Variants in SGCZ observed in about 807,000 individuals in gnomAD.
The protein encoded by SGCZ is sarcoglycan zeta.
SGCZ carries 40 observed loss-of-function variants against 41.3 expected under a neutral mutation model. The observed-to-expected ratio is 0.97, with a 90% CI of 0.75 to 1.26. SGCZ has a LOEUF of 1.26. SGCZ is among the 50% of genes most tolerant of loss of function. The pLI is 0.00. For missense variants in SGCZ, 552 were observed against 369.8 expected (o/e 1.49, Z -4.04); for synonymous variants, 206 against 137.5 (o/e 1.50, Z -3.49).
intron 1 of SGCZ, among the ~76,000 whole-genome samples, chr8:14,953,704 C>T (rs770693454): frequency 6.6e-5 from 10 of 152,020 alleles, no homozygotes; most frequent in African/African-American, 9.7e-5. Context: ...TCCCCATTTG[C>T]AAAAACGGGA....
chr8:14,760,542 A>G (rs942084647), intron 1 of SGCZ, among the ~76,000 whole-genome samples: 4 of 152,224 alleles, frequency 2.6e-5, no homozygotes, highest in African/African-American at 9.6e-5. Flanking sequence ...TTTTATAACC[A>G]TGTAAAATAC....
intron 1 of SGCZ, among the ~76,000 whole-genome samples, chr8:14,819,896 T>G (rs117736107): frequency 2.6e-5 from 4 of 151,966 alleles, no homozygotes; most frequent in Non-Finnish European, 1.5e-5. Flanking sequence ...GAAACAAAGC[T>G]AGCTCCACAG....
chr8:14,980,362 G>C (rs1801621333), intron 1 of SGCZ, among the ~76,000 whole-genome samples: 1 of 152,154 alleles, frequency 6.6e-6, no homozygotes. Context: ...GTATTGACTT[G>C]ACATCAGAAA....
intron 1 of SGCZ, among the ~76,000 whole-genome samples, chr8:15,077,888 G>A (rs1282989749): frequency 6.6e-5 from 10 of 152,182 alleles, no homozygotes. Context: ...AAATGCCTAG[G>A]CAGATAAGGA....
chr8:14,994,585 CAA>C (rs72144514), intron 1 of SGCZ, among the ~76,000 whole-genome samples: 3,271 of 127,524 alleles, frequency 0.026, 136 homozygotes, highest in African/African-American at 0.085. Flanking sequence ...ACTGTGCATC[CAA>C]AAAAAAAAAA....
chr8:14,271,624 G>A (rs1329971365), intron 3 of SGCZ, among the ~76,000 whole-genome samples: 2 of 152,136 alleles, frequency 1.3e-5, no homozygotes, highest in Non-Finnish European at 1.5e-5. Context: ...CTATATGCTT[G>A]TCCAATATAT....
intron 2 of SGCZ, among the ~76,000 whole-genome samples, chr8:14,405,050 C>T (rs1218406652): frequency 6.6e-6 from 1 of 152,174 alleles, no homozygotes; most frequent in Non-Finnish European, 1.5e-5. Flanking sequence ...CGTCTTCCTC[C>T]ATGTGGCCCT....
chr8:14,522,847 G>C (rs906101084), intron 2 of SGCZ, among the ~76,000 whole-genome samples: 1 of 151,446 alleles, frequency 6.6e-6, no homozygotes, highest in African/African-American at 2.4e-5. Flanking sequence ...TTCTAACCTA[G>C]TCACTTAGTA....
intron 4 of SGCZ, among the ~76,000 whole-genome samples, chr8:14,217,349 A>G (rs544105592): frequency 2.0e-5 from 3 of 150,580 alleles, no homozygotes; most frequent in East Asian, 4.0e-4. Context: ...ACCCACACGC[A>G]CACATACAAA....
At chr8:15,125,951 G>T (rs1036222596) in intron 1 of SGCZ, among the ~76,000 whole-genome samples, 1 of 152,152 alleles carries the variant, frequency 6.6e-6, no homozygotes, top group Admixed American at 6.6e-5. Flanking sequence ...TTTGAGACCA[G>T]CCTGACCAAT....
At chr8:14,664,951 C>A (rs941227420) in intron 1 of SGCZ, among the ~76,000 whole-genome samples, 1 of 152,086 alleles carries the variant, frequency 6.6e-6, no homozygotes, top group Non-Finnish European at 1.5e-5. Flanking sequence ...ACTAGGTGAT[C>A]CTGGTCAAGC....
chr8:14,486,081 A>C (rs1209277084), intron 2 of SGCZ, among the ~76,000 whole-genome samples: 2 of 152,184 alleles, frequency 1.3e-5, no homozygotes, highest in Non-Finnish European at 2.9e-5. Context: ...AAATAACGTC[A>C]GTTAATAAAT....
At chr8:15,062,371 A>T (rs559308960) in intron 1 of SGCZ, among the ~76,000 whole-genome samples, 42 of 152,286 alleles carry the variant, frequency 2.8e-4, no homozygotes, top group African/African-American at 9.9e-4. Flanking sequence ...ATTAAAATTT[A>T]AGACTTATAA....
chr8:15,157,745 C>A (rs1423552193), intron 1 of SGCZ, among the ~76,000 whole-genome samples: 1 of 152,170 alleles, frequency 6.6e-6, no homozygotes, highest in African/African-American at 2.4e-5. Flanking sequence ...AGTACTAGAT[C>A]ATTGTGGACC....
At chr8:14,731,286 C>T (rs1260055287) in intron 1 of SGCZ, among the ~76,000 whole-genome samples, 3 of 147,226 alleles carry the variant, frequency 2.0e-5, no homozygotes, top group Non-Finnish European at 3.0e-5. Flanking sequence ...AACACAGGAA[C>T]AGAAAACCAA....
intron 4 of SGCZ, among the ~76,000 whole-genome samples, chr8:14,180,406 C>A (rs1457061564): frequency 2.0e-5 from 3 of 152,104 alleles, no homozygotes; most frequent in Non-Finnish European, 4.4e-5. Context: ...ACCTACCAGG[C>A]CAACCACCAT....
At chr8:14,729,629 C>A (rs1810166002) in intron 1 of SGCZ, among the ~76,000 whole-genome samples, 1 of 147,760 alleles carries the variant, frequency 6.8e-6, no homozygotes, top group Non-Finnish European at 1.5e-5. Flanking sequence ...GCACTTACAG[C>A]ATCCAGAGCG....
Position 15,207,371 on chromosome 8 carries a change from T to C in SGCZ, c.39+30214A>G, listed in dbSNP as rs555140077. On this transcript the variant is annotated intron_variant, in intron 1 of 7. Coordinates refer to ENST00000382080, the MANE Select transcript of SGCZ (RefSeq NM_139167.4). Reference sequence around the variant, plus strand: ...CAAAAAACATGAAAAATTAGAAGGCTAGACTGGAAACTAATGAAGTATCCA... The same window carrying C: ...CAAAAAACATGAAAAATTAGAAGGCCAGACTGGAAACTAATGAAGTATCCA... Among the ~76,000 whole-genome samples the C allele has an allele frequency of 1.8e-3, 280 of 152,200 alleles. 1 individual carries two copies. Among genetic ancestry groups the C allele is most frequent in the African/African-American group, 6.4e-3 (264 of 41,522 alleles).
chr8:14,848,518 T>G (rs1044173730), intron 1 of SGCZ, among the ~76,000 whole-genome samples: 1 of 152,166 alleles, frequency 6.6e-6, no homozygotes, highest in Non-Finnish European at 1.5e-5. Context: ...TATTGATCAA[T>G]AGAAGAGAAT....
Sources: allele counts gnomAD v4.1 joint callset (sites outside exome capture counted in the v4.1 genomes callset), GRCh38; gene constraint gnomAD v4.1.1; transcripts MANE v1.5; gene names NCBI Gene and HGNC (gene_info 2026-07-23, HGNC 2026-07-21).